STPG4: variants seen among roughly 807,000 people sequenced by gnomAD.
The protein encoded by STPG4 is sperm-tail PG-rich repeat containing 4.
STPG4 carries 41 observed loss-of-function variants against 31.5 expected under a neutral mutation model. The observed-to-expected ratio is 1.30, with a 90% CI of 1.01 to 1.69. The LOEUF is 1.69. Ranked by LOEUF, STPG4 falls within the 40% of genes most tolerant of loss-of-function variation. The pLI, the probability that STPG4 is intolerant of heterozygous loss-of-function variation, is 0.00. For synonymous variants in STPG4, 141 were observed against 103.0 expected (o/e 1.37, Z -2.24); for missense variants, 375 against 293.4 (o/e 1.28, Z -2.03).
chr2:47,129,981 C>T lies in STPG4; in HGVS notation c.479G>A (p.Arg160His), dbSNP rs748227223. 4.3e-5 allele frequency: 67 copies of T among 1,573,876 alleles called. No individual in the cohort carries two copies. The highest frequency in any genetic ancestry group is 7.8e-5 in the South Asian group (7 of 89,488). ...TGTTGGGAATCTTTGAACTGTTGAG[C>T]GAAATACACAGCTCCTATATTTCAA... is the stretch of plus-strand genomic sequence containing the variant. The part of the protein sequence containing the change: ...PKYASRSCVF[R>H]STVQRFPTTY... The change falls in exon 5 of 7, where the codon CGC becomes CAC. Residue 160 changes from arginine to histidine, a missense_variant. Physicochemically the swap from Arg to His is conservative, Grantham distance 29. Transcript: ENST00000445927.
At chr2:47,123,031 G>A (rs1686304703) in intron 5 of STPG4, among the ~76,000 whole-genome samples, 1 of 152,094 alleles carries the variant, frequency 6.6e-6, no homozygotes, top group Admixed American at 6.6e-5. Flanking sequence ...TCACCATGTT[G>A]GCCAGGTTGG....
chr2:47,107,284 A>G (rs1189799623), intron 5 of STPG4, among the ~76,000 whole-genome samples: 2 of 151,926 alleles, frequency 1.3e-5, no homozygotes, highest in Non-Finnish European at 2.9e-5. Context: ...GTGGAGGGAG[A>G]CGCGCAAGTG....
chr2:47,154,496 T>C (rs939742097), intron 1 of STPG4, among the ~76,000 whole-genome samples: 2 of 152,266 alleles, frequency 1.3e-5, no homozygotes, highest in Non-Finnish European at 2.9e-5. Context: ...AAATTCCATC[T>C]ATCTACCACT....
In STPG4 at chr2:47,115,802, G is replaced by A. The variant is rs575670980; in HGVS notation, c.519+14139C>T. Among the ~76,000 whole-genome samples the A allele has an allele frequency of 1.4e-4, 21 of 152,120 alleles. No homozygotes were observed. In the South Asian group the frequency reaches 4.0e-3, roughly 29 times the overall value. ...CTAGTTGCTGGGATTACAGGCGCAC[G>A]CTGCCATGCACGACTAATTTTTTGT... On this transcript the variant is annotated intron_variant, in intron 5 of 6. Transcript: ENST00000445927.
In STPG4 at chr2:47,130,200, A is replaced by C; in HGVS notation, c.460T>G (p.Ser154Ala). ...ATTTAATAAGTATATAATTACCTGG[A>C]AGCATATTTGGGAACTGGTGCAGGA... Reference protein sequence around the residue: ...VLPAPVPKYASRSCVFRSTVQ... With the variant: ...VLPAPVPKYAARSCVFRSTVQ... The change falls in exon 4 of 7, where the codon TCC (serine) becomes GCC (alanine). Residue 154 changes from serine (S) to alanine (A), a missense_variant. Transcript: ENST00000445927. 6.2e-7 allele frequency: 1 copy of C among 1,613,034 alleles called. No individual in the cohort carries two copies. Among genetic ancestry groups the C allele is most frequent in the Non-Finnish European group, 8.5e-7 (1 of 1,178,970 alleles).
chr2:47,102,348 C>G (rs925061127), intron 5 of STPG4, among the ~76,000 whole-genome samples: 5 of 151,810 alleles, frequency 3.3e-5, no homozygotes, highest in African/African-American at 1.2e-4. Context: ...GCATCCTAAG[C>G]CTTTGGGACC....
intron 5 of STPG4, among the ~76,000 whole-genome samples, chr2:47,111,384 T>A (rs77648757): frequency 0.011 from 1,720 of 152,342 alleles, 34 homozygotes; most frequent in African/African-American, 0.039. Context: ...CAGGAGGGAA[T>A]AAAATCATGC....
intron 3 of STPG4, among the ~76,000 whole-genome samples, chr2:47,138,875 G>C (rs1336184502): frequency 6.6e-6 from 1 of 152,122 alleles, no homozygotes; most frequent in East Asian, 1.9e-4. Context: ...AGTAGAGACG[G>C]GGTTTCACCA....
intron 3 of STPG4, among the ~76,000 whole-genome samples, chr2:47,139,646 T>C (rs992371126): frequency 9.2e-5 from 14 of 152,164 alleles, no homozygotes; most frequent in African/African-American, 3.4e-4. Context: ...TCCAACAGTA[T>C]AGATCTCACG....
chr2:47,152,900 T>A (rs560466819), intron 2 of STPG4, 57 bp downstream of exon 2: 32 of 1,281,176 alleles, frequency 2.5e-5, no homozygotes, highest in Admixed American at 1.2e-4. Context: ...TATAATTGAT[T>A]AAAATATTAA....
At chr2:47,130,915 A>G (rs1433177947) in intron 3 of STPG4, among the ~76,000 whole-genome samples, 1 of 152,136 alleles carries the variant, frequency 6.6e-6, no homozygotes, top group Non-Finnish European at 1.5e-5. Flanking sequence ...CTTGGGCTCA[A>G]GTGCTCCTCC....
In STPG4 at chr2:47,151,405, A is replaced by T. The variant is rs1467929087; in HGVS notation, c.252T>A (p.Pro84=). The change falls in exon 3 of 7, where the codon CCT becomes CCA. Residue 84 remains proline (P), a synonymous_variant. Transcript: ENST00000445927. ...GGACTGGATTGTTTCTTTGCACAAGAGGTGGCTTTTTCCTTCCTTCGTTTT... is the reference window on the plus strand; with the variant it reads ...GGACTGGATTGTTTCTTTGCACAAGTGGTGGCTTTTTCCTTCCTTCGTTTT... The part of the protein sequence containing the change: ...NFKNEGRKKP[P]LVQRNNPVLN... 2 of 1,614,202 alleles carry T rather than the reference A, an allele frequency of 1.2e-6. No individual in the cohort carries two copies. The highest frequency in any genetic ancestry group is 1.7e-6 in the Non-Finnish European group (2 of 1,180,040).
intron 2 of STPG4, among the ~76,000 whole-genome samples, chr2:47,151,919 G>GTTTTT (rs71245620): frequency 4.0e-5 from 3 of 74,812 alleles, no homozygotes; most frequent in Non-Finnish European, 3.9e-5. Flanking sequence ...TTTTTGTTTT[G>GTTTTT]TTTTTTTTTT....
intron 3 of STPG4, among the ~76,000 whole-genome samples, chr2:47,133,253 A>G (rs1448093909): frequency 2.6e-5 from 4 of 151,666 alleles, no homozygotes; most frequent in Non-Finnish European, 5.9e-5. Context: ...CTGCGCTTCA[A>G]CCTCCCAGGC....
rs1275227770 is a variant in STPG4, at chr2:47,151,528, G to T, written c.142-13C>A. On this transcript the variant is annotated splice_polypyrimidine_tract_variant and intron_variant, in intron 2 of 6. Coordinates refer to ENST00000445927, the MANE Select transcript of STPG4 (RefSeq NM_001163561.2). ...GTATAGGAGTATCCTGTGGAAAATT[G>T]ACATCAGTTTTAAGATTGTGTAAAC... 2 of 1,611,188 alleles carry T rather than the reference G, an allele frequency of 1.2e-6. No homozygotes were observed. Among genetic ancestry groups the T allele is most frequent in the South Asian group, 1.1e-5 (1 of 90,724 alleles).
intron 5 of STPG4, among the ~76,000 whole-genome samples, chr2:47,099,599 G>C (rs1685744345): frequency 6.6e-6 from 1 of 152,276 alleles, no homozygotes; most frequent in Non-Finnish European, 1.5e-5. Context: ...CTCGCTCTCG[G>C]CGCCTCCTCT....
intron 5 of STPG4, among the ~76,000 whole-genome samples, chr2:47,095,349 A>G (rs967966817): frequency 2.0e-5 from 3 of 152,194 alleles, no homozygotes; most frequent in Non-Finnish European, 4.4e-5. Context: ...CAGGGAAAAC[A>G]CCATGTGAAA....
At position 47,141,885 on chromosome 2, in the gene STPG4, C is replaced by T. The variant is rs111978108; in HGVS notation, c.399+9373G>A. ...AACACCTGGGGGAGGGCTGTACATT[C>T]GGCGGGAGGATTCTCTGGGGATGCT... On this transcript the variant is annotated intron_variant, in intron 3 of 6. Coordinates refer to ENST00000445927, the MANE Select transcript of STPG4 (RefSeq NM_001163561.2). Among the ~76,000 whole-genome samples the T allele has an allele frequency of 7.2e-3, 1,066 of 148,684 alleles. 13 individuals carry two copies. The highest frequency in any genetic ancestry group is 0.025 in the African/African-American group (990 of 40,018).
At chr2:47,118,111 C>T (rs6729190) in intron 5 of STPG4, among the ~76,000 whole-genome samples, 24 of 151,942 alleles carry the variant, frequency 1.6e-4, no homozygotes, top group Admixed American at 8.5e-4. Context: ...GAGTTGCTTA[C>T]GTCAGGGTCC....
Sources: allele counts gnomAD v4.1 joint callset (sites outside exome capture counted in the v4.1 genomes callset), GRCh38; gene constraint gnomAD v4.1.1; transcripts MANE v1.5; gene names NCBI Gene and HGNC (gene_info 2026-07-23, HGNC 2026-07-21).